The following ULK4 variants were observed in gnomAD, a reference collection of about 807,000 sequenced individuals.
The protein encoded by ULK4 is inactive serine/threonine-protein kinase ULK4.
In ULK4, 133 loss-of-function variants were observed where a neutral mutation model predicts 160.6. That is an observed-to-expected ratio of 0.83 (90% confidence interval 0.72 to 0.96). The LOEUF (loss-of-function observed/expected upper bound fraction) is 0.96. ULK4 is among the 40% of genes least tolerant of loss of function. The pLI is 0.00. For missense variants in ULK4, 1,580 were observed against 1,499.5 expected (o/e 1.05, Z -0.89); for synonymous variants, 534 against 539.8 (o/e 0.99, Z 0.15).
chr3:41,699,032 G>T (rs2036587672), intron 27 of ULK4, among the ~76,000 whole-genome samples: 1 of 152,160 alleles, frequency 6.6e-6, no homozygotes, highest in Non-Finnish European at 1.5e-5. Context: ...CTCATCCATA[G>T]ACTGTTGATG....
chr3:41,617,143 C>A (rs1482666771), intron 30 of ULK4, among the ~76,000 whole-genome samples: 1 of 152,180 alleles, frequency 6.6e-6, no homozygotes, highest in Non-Finnish European at 1.5e-5. Context: ...TGGGACAGAC[C>A]ACCTGGGGGA....
At chr3:41,565,987 C>T (rs781235270) in intron 32 of ULK4, 38 bp downstream of exon 32, 10 of 1,551,820 alleles carry the variant, frequency 6.4e-6, no homozygotes, top group South Asian at 2.3e-5. Context: ...AATGAATAGG[C>T]AAAACTTGAT....
At chr3:41,281,462 C>A (rs925019454) in intron 35 of ULK4, among the ~76,000 whole-genome samples, 1 of 152,166 alleles carries the variant, frequency 6.6e-6, no homozygotes, top group South Asian at 2.1e-4. Flanking sequence ...ACAATCAGTT[C>A]GACTTCATCC....
intron 32 of ULK4, among the ~76,000 whole-genome samples, chr3:41,559,795 T>C (rs2087491021): frequency 6.6e-6 from 1 of 151,914 alleles, no homozygotes; most frequent in Admixed American, 6.6e-5. Context: ...ATGGGTAGAC[T>C]GCAAAGATTT....
At chr3:41,907,401 AC>A (rs916187682) in intron 12 of ULK4, among the ~76,000 whole-genome samples, 45 of 151,730 alleles carry the variant, frequency 3.0e-4, no homozygotes, top group Admixed American at 3.0e-3. Context: ...GGCTCAAGCA[AC>A]CCTCCCACTT....
intron 33 of ULK4, among the ~76,000 whole-genome samples, chr3:41,459,230 A>AT (rs1333831915): frequency 1.3e-5 from 2 of 150,580 alleles, no homozygotes; most frequent in Non-Finnish European, 3.0e-5. Flanking sequence ...TTATTTTTTT[A>AT]TTTTTTTTAT....
At chr3:41,833,729 A>C (rs2041668862) in intron 18 of ULK4, among the ~76,000 whole-genome samples, 1 of 152,148 alleles carries the variant, frequency 6.6e-6, no homozygotes, top group African/African-American at 2.4e-5. Flanking sequence ...ACTTTGCTGA[A>C]GTTGCTTATC....
chr3:41,419,144 TTA>T (rs1312340378), intron 34 of ULK4, among the ~76,000 whole-genome samples: 4 of 152,112 alleles, frequency 2.6e-5, no homozygotes, highest in African/African-American at 9.7e-5. Context: ...CAGGTGGCAA[TTA>T]TATATGTGCT....
intron 17 of ULK4, among the ~76,000 whole-genome samples, chr3:41,879,645 A>G (rs1025997822): frequency 2.6e-5 from 4 of 151,972 alleles, no homozygotes; most frequent in African/African-American, 9.7e-5. Flanking sequence ...CCACCACACC[A>G]AACTCTATTT....
chr3:41,863,838 C>T (rs1207518443), intron 17 of ULK4, among the ~76,000 whole-genome samples: 3 of 151,564 alleles, frequency 2.0e-5, no homozygotes, highest in African/African-American at 7.3e-5. Flanking sequence ...AAAGTCCTCC[C>T]CCACTCTTTC....
At chr3:41,858,637 C>T (rs1279701877) in intron 17 of ULK4, among the ~76,000 whole-genome samples, 1 of 150,396 alleles carries the variant, frequency 6.6e-6, no homozygotes, top group Non-Finnish European at 1.5e-5. Context: ...GAACTACAGG[C>T]ACGTGCCACC....
intron 32 of ULK4, among the ~76,000 whole-genome samples, chr3:41,558,933 A>T (rs9821613): frequency 0.87 from 117,784 of 135,300 alleles, 52,498 homozygotes; most frequent in Middle Eastern, 0.96. Flanking sequence ...CGTGCAGGTT[A>T]GTTACATATG....
At chr3:41,375,786 T>G (rs2081476394) in intron 35 of ULK4, among the ~76,000 whole-genome samples, 2 of 150,276 alleles carry the variant, frequency 1.3e-5, no homozygotes, top group Non-Finnish European at 2.9e-5. Context: ...AAATGGGATC[T>G]AATTAAACTA....
At chr3:41,316,628 G>A (rs945321479) in intron 35 of ULK4, among the ~76,000 whole-genome samples, 1 of 152,224 alleles carries the variant, frequency 6.6e-6, no homozygotes, top group African/African-American at 2.4e-5. Context: ...GGGAGACAGG[G>A]AGCGGGTGTG....
At chr3:41,787,995 G>A (rs894604421) in intron 21 of ULK4, among the ~76,000 whole-genome samples, 19 of 151,828 alleles carry the variant, frequency 1.3e-4, no homozygotes, top group Admixed American at 6.6e-4. Flanking sequence ...CTCTAACCAC[G>A]GATTACCTGG....
chr3:41,617,200 T>C (rs1197721864), intron 30 of ULK4, among the ~76,000 whole-genome samples: 1 of 152,232 alleles, frequency 6.6e-6, no homozygotes, highest in African/African-American at 2.4e-5. Context: ...TGTTCCTGCC[T>C]GCCAGCTCTG....
chr3:41,957,968 C>A (rs1006098735), intron 1 of ULK4, among the ~76,000 whole-genome samples: 1 of 151,244 alleles, frequency 6.6e-6, no homozygotes, highest in Admixed American at 6.6e-5. Context: ...AGCTTGAACC[C>A]GGGAGGCAGA....
At chr3:41,758,345 G>C (rs548340199) in intron 21 of ULK4, among the ~76,000 whole-genome samples, 3 of 152,142 alleles carry the variant, frequency 2.0e-5, no homozygotes, top group Non-Finnish European at 4.4e-5. Context: ...AATTGAGGGA[G>C]AGGTAAACTG....
intron 29 of ULK4, among the ~76,000 whole-genome samples, chr3:41,676,174 G>T (rs1392345776): frequency 6.6e-6 from 1 of 152,158 alleles, no homozygotes; most frequent in African/African-American, 2.4e-5. Context: ...GGTGATTTAT[G>T]TATCAACAGA....
Sources: gnomAD v4.1 joint callset for allele counts (sites outside exome capture counted in the v4.1 genomes callset) on GRCh38, gnomAD v4.1.1 for gene constraint, MANE v1.5 for transcripts, NCBI Gene and HGNC (gene_info 2026-07-23, HGNC 2026-07-21) for gene names.